Variants in QTMAN observed in about 807,000 individuals in gnomAD.
QTMAN encodes tRNA-queuosine alpha-mannosyltransferase.
the QTMAN span, among the ~76,000 whole-genome samples, chr2:144,124,855 C>G: frequency 1.3e-5 from 2 of 152,098 alleles, no homozygotes; most frequent in Non-Finnish European, 2.9e-5. Flanking sequence ...AAGGTTATAT[C>G]TTTTTATCTC....
chr2:144,224,653 G>A, the QTMAN span, among the ~76,000 whole-genome samples: 1 of 152,104 alleles, frequency 6.6e-6, no homozygotes, highest in Admixed American at 6.6e-5. Context: ...TCAGAAGAAG[G>A]GGCGAGGGGA....
the QTMAN span, among the ~76,000 whole-genome samples, chr2:144,077,627 A>G: frequency 1.2e-4 from 19 of 152,274 alleles, no homozygotes; most frequent in African/African-American, 3.9e-4. Context: ...AAATTAATAT[A>G]TATGTATGGT....
chr2:144,243,639 A>G, the QTMAN span, among the ~76,000 whole-genome samples: 1 of 152,248 alleles, frequency 6.6e-6, no homozygotes, highest in Admixed American at 6.5e-5. Flanking sequence ...TATGGTATCT[A>G]GACCATATAT....
At chr2:144,138,543 T>C in the QTMAN span, among the ~76,000 whole-genome samples, 1 of 151,600 alleles carries the variant, frequency 6.6e-6, no homozygotes, top group African/African-American at 2.4e-5. Context: ...CCAGAAAAAA[T>C]TGTTAGGACA....
At chr2:144,023,734 C>T in the QTMAN span, among the ~76,000 whole-genome samples, 1 of 152,224 alleles carries the variant, frequency 6.6e-6, no homozygotes, top group African/African-American at 2.4e-5. Flanking sequence ...CAAAGATGCA[C>T]AAACATCTCT....
the QTMAN span, among the ~76,000 whole-genome samples, chr2:144,260,715 A>G: frequency 6.6e-6 from 1 of 152,092 alleles, no homozygotes; most frequent in Non-Finnish European, 1.5e-5. Context: ...CTAGATAATT[A>G]TAAACCATAC....
the QTMAN span, among the ~76,000 whole-genome samples, chr2:144,159,459 C>CGA: frequency 6.6e-6 from 1 of 151,830 alleles, no homozygotes; most frequent in Admixed American, 6.6e-5. Flanking sequence ...ATCATGGGGC[C>CGA]GAGGCTGATT....
the QTMAN span, among the ~76,000 whole-genome samples, chr2:143,994,725 T>C: frequency 7.9e-5 from 12 of 152,282 alleles, no homozygotes; most frequent in Admixed American, 7.2e-4. Flanking sequence ...AGTGGTTTCC[T>C]GGGTCAGGGG....
the QTMAN span, among the ~76,000 whole-genome samples, chr2:144,218,537 T>C: frequency 7.2e-5 from 11 of 152,338 alleles, no homozygotes; most frequent in African/African-American, 2.2e-4. Context: ...ATTATAAATA[T>C]ACACACCAAA....
chr2:144,006,712 A>T, the QTMAN span: 1 of 153,004 alleles, frequency 6.5e-6, no homozygotes, highest in African/African-American at 2.4e-5. Flanking sequence ...ATGGTTTCAA[A>T]TGTACTGATA....
chr2:144,046,333 T>A, the QTMAN span, among the ~76,000 whole-genome samples: 2 of 152,190 alleles, frequency 1.3e-5, no homozygotes, highest in African/African-American at 4.8e-5. Flanking sequence ...AACTAAGGAC[T>A]TTTTTGTTAT....
the QTMAN span, among the ~76,000 whole-genome samples, chr2:144,129,774 TCTCA>T: frequency 2.0e-5 from 3 of 152,108 alleles, no homozygotes; most frequent in African/African-American, 4.8e-5. Flanking sequence ...TATATGAAGT[TCTCA>T]CTGTTATTTT....
chr2:144,275,323 G>A, the QTMAN span, among the ~76,000 whole-genome samples: 1 of 151,728 alleles, frequency 6.6e-6, no homozygotes, highest in African/African-American at 2.4e-5. Context: ...GGTGGAGGTT[G>A]CAGTAAGCCG....
the QTMAN span, among the ~76,000 whole-genome samples, chr2:144,053,880 C>T: frequency 6.6e-6 from 1 of 152,040 alleles, no homozygotes; most frequent in African/African-American, 2.4e-5. Context: ...GCCACTCCAC[C>T]AAAAAACAAT....
the QTMAN span, among the ~76,000 whole-genome samples, chr2:144,267,053 G>A: frequency 3.5e-4 from 54 of 152,178 alleles, no homozygotes; most frequent in African/African-American, 1.2e-3. Context: ...TAAAAGAAAT[G>A]CAGATATTTA....
chr2:144,188,938 A>C, the QTMAN span, among the ~76,000 whole-genome samples: 1 of 152,190 alleles, frequency 6.6e-6, no homozygotes, highest in African/African-American at 2.4e-5. Flanking sequence ...TTATCCCTTC[A>C]AAGTAGCAAA....
At chr2:144,038,393 T>A in the QTMAN span, among the ~76,000 whole-genome samples, 3 of 152,184 alleles carry the variant, frequency 2.0e-5, no homozygotes, top group Admixed American at 6.5e-5. Flanking sequence ...CATATCTTAA[T>A]GCCAATTCTA....
At chr2:144,179,927 T>C in the QTMAN span, among the ~76,000 whole-genome samples, 1 of 152,196 alleles carries the variant, frequency 6.6e-6, no homozygotes, top group Non-Finnish European at 1.5e-5. Flanking sequence ...AATAATGTCA[T>C]ATGGAATTTT....
the QTMAN span, among the ~76,000 whole-genome samples, chr2:144,156,353 C>T: frequency 6.6e-6 from 1 of 151,980 alleles, no homozygotes; most frequent in Non-Finnish European, 1.5e-5. Flanking sequence ...TTATAAACAT[C>T]AAAACTAGCA....
Sources: allele counts gnomAD v4.1 joint callset (sites outside exome capture counted in the v4.1 genomes callset), GRCh38; gene constraint gnomAD v4.1.1; transcripts MANE v1.5; gene names NCBI Gene and HGNC (gene_info 2026-07-23, HGNC 2026-07-21).